CHST9: variants seen among roughly 807,000 people sequenced by gnomAD.
The protein encoded by CHST9 is carbohydrate sulfotransferase 9.
A neutral mutation model predicts 44.4 loss-of-function variants in CHST9; 41 were observed. The observed-to-expected ratio is 0.92, with a 90% CI of 0.72 to 1.20. The LOEUF (loss-of-function observed/expected upper bound fraction) is 1.20. Among genes scored for constraint, CHST9 ranks in the 50% most tolerant of loss-of-function variants. CHST9 has a pLI of 0.00. For missense variants in CHST9, 504 were observed against 516.5 expected (o/e 0.98, Z 0.23); for synonymous variants, 171 against 178.4 (o/e 0.96, Z 0.33).
chr18:27,130,564 T>A (rs1824981523), intron 2 of CHST9, among the ~76,000 whole-genome samples: 1 of 152,214 alleles, frequency 6.6e-6, no homozygotes, highest in East Asian at 1.9e-4. Flanking sequence ...GCATAGAATT[T>A]TGAAGCTGAC....
chr18:27,107,323 G>C (rs1011357015), intron 2 of CHST9, among the ~76,000 whole-genome samples: 4 of 152,166 alleles, frequency 2.6e-5, no homozygotes, highest in Non-Finnish European at 5.9e-5. Context: ...AGTGGACTAG[G>C]AAAGAACAGA....
intron 2 of CHST9, among the ~76,000 whole-genome samples, chr18:27,124,454 C>T (rs1035758139): frequency 6.6e-6 from 1 of 152,170 alleles, no homozygotes; most frequent in Non-Finnish European, 1.5e-5. Context: ...CAAATGCATA[C>T]CTGCTTTTAC....
rs2056051705 is a variant in CHST9, at chr18:26,939,593, A to G, written c.240+4736T>C. Among the ~76,000 whole-genome samples, 3 of 152,210 alleles carry G rather than the reference A, an allele frequency of 2.0e-5. No homozygotes were observed. In the South Asian group the frequency reaches 6.2e-4, roughly 31 times the overall value. ...ACATACTATATGTCGAACTATTTCA[A>G]AGTGTTAAAGGAAGCTGCACCCAAG... On this transcript the variant is annotated intron_variant, in intron 5 of 5. Coordinates refer to ENST00000618847, the MANE Select transcript of CHST9 (RefSeq NM_031422.6).
intron 2 of CHST9, among the ~76,000 whole-genome samples, chr18:27,113,904 A>T (rs1279442891): frequency 6.6e-6 from 1 of 152,200 alleles, no homozygotes; most frequent in Non-Finnish European, 1.5e-5. Flanking sequence ...AATTTGTAAA[A>T]ATTTTAGCAT....
chr18:27,023,589 TAC>T (rs760525748), intron 4 of CHST9, among the ~76,000 whole-genome samples: 7 of 152,352 alleles, frequency 4.6e-5, no homozygotes, highest in Non-Finnish European at 1.0e-4. Flanking sequence ...GTATTCTTTT[TAC>T]ATGGGTCACA....
At chr18:27,026,560 A>T (rs1598650430) in intron 3 of CHST9, among the ~76,000 whole-genome samples, 1 of 152,214 alleles carries the variant, frequency 6.6e-6, no homozygotes, top group African/African-American at 2.4e-5. Context: ...AAAGGCTTTA[A>T]CTATATCTTT....
chr18:27,089,136 T>C (rs1435873650), intron 2 of CHST9, among the ~76,000 whole-genome samples: 1 of 152,158 alleles, frequency 6.6e-6, no homozygotes, highest in African/African-American at 2.4e-5. Context: ...TTTCTCTTTC[T>C]TTCCTTCATT....
At chr18:27,111,590 A>C (rs1408035269) in intron 2 of CHST9, among the ~76,000 whole-genome samples, 1 of 152,154 alleles carries the variant, frequency 6.6e-6, no homozygotes, top group African/African-American at 2.4e-5. Flanking sequence ...CACAAACTTA[A>C]AACAGTTCAA....
At chr18:27,130,336 G>C (rs1291824405) in intron 2 of CHST9, among the ~76,000 whole-genome samples, 1 of 152,138 alleles carries the variant, frequency 6.6e-6, no homozygotes, top group Non-Finnish European at 1.5e-5. Context: ...TCAATGAACT[G>C]TGAAATACTC....
intron 5 of CHST9, among the ~76,000 whole-genome samples, chr18:26,944,033 C>G (rs2056124996): frequency 1.3e-5 from 2 of 152,122 alleles, no homozygotes; most frequent in South Asian, 4.1e-4. Flanking sequence ...AGTATCAATA[C>G]AGAGGTCACA....
At chr18:27,129,132 C>A (rs2058450611) in intron 2 of CHST9, among the ~76,000 whole-genome samples, 2 of 151,588 alleles carry the variant, frequency 1.3e-5, no homozygotes, top group Non-Finnish European at 2.9e-5. Flanking sequence ...AGCACACACA[C>A]ACAAAATGTA....
At chr18:27,127,550 G>A (rs890336471) in intron 2 of CHST9, among the ~76,000 whole-genome samples, 1 of 152,120 alleles carries the variant, frequency 6.6e-6, no homozygotes, top group Non-Finnish European at 1.5e-5. Flanking sequence ...AGATAGTTAT[G>A]ACACAAAATT....
Position 27,032,874 on chromosome 18 carries a change from G to A in CHST9, c.161-8717C>T, listed in dbSNP as rs533115146. ...GATTCTAGTTTGGGTAGTTTGAAAC[G>A]AGAGCCTGCACTCTTACCCTTTACA... On this transcript the variant is annotated intron_variant, in intron 3 of 5. Transcript: ENST00000618847. 2.0e-5 allele frequency among the ~76,000 whole-genome samples: 3 copies of A among 152,274 alleles called. No individual in the cohort carries two copies. In the East Asian group the frequency reaches 5.8e-4, roughly 29 times the overall value.
chr18:27,095,227 T>G (rs1455252777), intron 2 of CHST9, among the ~76,000 whole-genome samples: 1 of 152,188 alleles, frequency 6.6e-6, no homozygotes, highest in Non-Finnish European at 1.5e-5. Context: ...AGAGCCACTT[T>G]GAAGGAAAAG....
At chr18:27,176,059 G>A (rs1438964802) in intron 1 of CHST9, among the ~76,000 whole-genome samples, 1 of 151,982 alleles carries the variant, frequency 6.6e-6, no homozygotes, top group Non-Finnish European at 1.5e-5. Context: ...GGGATGGGGG[G>A]ATGGGAGAGA....
intron 4 of CHST9, among the ~76,000 whole-genome samples, chr18:27,000,778 T>A (rs2056943253): frequency 6.6e-6 from 1 of 152,116 alleles, no homozygotes; most frequent in South Asian, 2.1e-4. Context: ...AGATAAAGAA[T>A]ACACACAAAT....
intron 4 of CHST9, among the ~76,000 whole-genome samples, chr18:27,023,768 A>G (rs1340587088): frequency 1.3e-5 from 2 of 152,232 alleles, no homozygotes; most frequent in Non-Finnish European, 2.9e-5. Flanking sequence ...CTACAGTGCA[A>G]TGTGCCAGGA....
At chr18:27,181,632 T>C (rs944318632) in intron 1 of CHST9, among the ~76,000 whole-genome samples, 3 of 152,216 alleles carry the variant, frequency 2.0e-5, no homozygotes, top group African/African-American at 7.2e-5. Flanking sequence ...GTAAGATGCA[T>C]ACATTAACAC....
At chr18:27,049,341 T>C (rs906437419) in intron 2 of CHST9, among the ~76,000 whole-genome samples, 44 of 151,902 alleles carry the variant, frequency 2.9e-4, no homozygotes, top group African/African-American at 1.0e-3. Flanking sequence ...GAGATGCAAG[T>C]TGGGGAAATG....
Sources: allele counts gnomAD v4.1 joint callset (sites outside exome capture counted in the v4.1 genomes callset), GRCh38; gene constraint gnomAD v4.1.1; transcripts MANE v1.5; gene names NCBI Gene and HGNC (gene_info 2026-07-23, HGNC 2026-07-21).